ZEB1: variants seen among roughly 807,000 people sequenced by gnomAD.
The protein encoded by ZEB1 is zinc finger E-box binding homeobox 1.
A neutral mutation model predicts 84.9 loss-of-function variants in ZEB1; 21 were observed. The observed-to-expected ratio is 0.25, with a 90% CI of 0.18 to 0.36. The LOEUF (loss-of-function observed/expected upper bound fraction) is 0.36. Among genes scored for constraint, ZEB1 ranks in the 10% least tolerant of loss-of-function variants. The pLI is 1.00. For missense variants in ZEB1, 1,104 were observed against 1,330.2 expected (o/e 0.83, Z 2.65); for synonymous variants, 420 against 471.1 (o/e 0.89, Z 1.41).
chr10:31,401,225 T>A (rs947245891), intron 1 of ZEB1, among the ~76,000 whole-genome samples: 1 of 152,190 alleles, frequency 6.6e-6, no homozygotes, highest in African/African-American at 2.4e-5. Flanking sequence ...GACACATTTT[T>A]AAAAAGACAG....
At chr10:31,435,669 T>A (rs946332894) in intron 1 of ZEB1, among the ~76,000 whole-genome samples, 4 of 152,254 alleles carry the variant, frequency 2.6e-5, no homozygotes, top group Non-Finnish European at 5.9e-5. Flanking sequence ...GCTTGCCATT[T>A]ACAAAGAACA....
At chr10:31,438,471 T>A (rs1001347934) in intron 1 of ZEB1, among the ~76,000 whole-genome samples, 9 of 152,350 alleles carry the variant, frequency 5.9e-5, no homozygotes, top group Middle Eastern at 3.4e-3. Context: ...AGATTTTATT[T>A]CAGTATCCTG....
intron 2 of ZEB1, among the ~76,000 whole-genome samples, chr10:31,488,622 G>A (rs2066069970): frequency 6.6e-6 from 1 of 150,456 alleles, no homozygotes; most frequent in South Asian, 2.1e-4. Flanking sequence ...ACACAATTCA[G>A]AATTTTGATC....
chr10:31,444,067 A>G (rs1031413134), intron 1 of ZEB1, among the ~76,000 whole-genome samples: 2 of 150,924 alleles, frequency 1.3e-5, no homozygotes, highest in Non-Finnish European at 2.9e-5. Flanking sequence ...CATCCTCTCC[A>G]GCACCTGTTG....
At chr10:31,410,574 G>A (rs2054049022) in intron 1 of ZEB1, among the ~76,000 whole-genome samples, 1 of 152,170 alleles carries the variant, frequency 6.6e-6, no homozygotes, top group Non-Finnish European at 1.5e-5. Context: ...GTTTCAGAAG[G>A]AATGGTAGCA....
chr10:31,526,741 T>G lies in ZEB1; in HGVS notation c.2855T>G (p.Met952Arg). ...FKHKHHLIEH[M>R]RLHSGEKPYQ... ...CACAAACATCATTTGATTGAACACA[T>G]GCGATTACATTCTGGAGAAAAGCCC... The change falls in exon 9 of 9, where the codon ATG becomes AGG. Residue 952 changes from methionine to arginine, a missense_variant. Transcript: ENST00000424869. 1 of 1,614,116 alleles carries G rather than the reference T, an allele frequency of 6.2e-7. No individual in the cohort carries two copies. Among genetic ancestry groups the G allele is most frequent in the Non-Finnish European group, 8.5e-7 (1 of 1,180,020 alleles).
rs377271044 is a variant in ZEB1, at chr10:31,402,750, G to A, written c.59-58287G>A. Among the ~76,000 whole-genome samples, 3 of 151,984 alleles carry A rather than the reference G, an allele frequency of 2.0e-5. No individual in the cohort carries two copies. In the East Asian group the frequency reaches 5.8e-4, roughly 29 times the overall value. ...ACAAGGATAAAGTGCTCAGTCTTGA[G>A]TCTGTTGGAGATTAAACTTTCCTGA... On this transcript the variant is annotated intron_variant, in intron 1 of 8. Coordinates refer to ENST00000424869, the MANE Select transcript of ZEB1 (RefSeq NM_001174096.2).
chr10:31,457,133 TC>T (rs1440796130), intron 1 of ZEB1, among the ~76,000 whole-genome samples: 2 of 152,314 alleles, frequency 1.3e-5, no homozygotes, highest in Admixed American at 6.5e-5. Context: ...GATGTGATGA[TC>T]ACCTATGATT....
At chr10:31,348,408 A>T (rs1391794407) in intron 1 of ZEB1, among the ~76,000 whole-genome samples, 2 of 152,014 alleles carry the variant, frequency 1.3e-5, no homozygotes, top group Non-Finnish European at 2.9e-5. Context: ...TACTAAAAAT[A>T]CAAAAATTAG....
chr10:31,381,071 A>C (rs2047542001), intron 1 of ZEB1, among the ~76,000 whole-genome samples: 1 of 152,206 alleles, frequency 6.6e-6, no homozygotes, highest in African/African-American at 2.4e-5. Context: ...CTGTAGAATA[A>C]ATGGTGATAA....
intron 1 of ZEB1, among the ~76,000 whole-genome samples, chr10:31,416,744 A>T (rs868218335): frequency 4.6e-5 from 7 of 152,276 alleles, no homozygotes; most frequent in Non-Finnish European, 7.4e-5. Context: ...CACATTTTGT[A>T]TTTAATCCAA....
chr10:31,387,656 A>G (rs544139233), intron 1 of ZEB1: 37 of 716,396 alleles, frequency 5.2e-5, no homozygotes, highest in Non-Finnish European at 6.0e-5. Flanking sequence ...TTCAGTTGAT[A>G]GAGCCAGCTG....
chr10:31,454,912 C>T (rs945694953), intron 1 of ZEB1, among the ~76,000 whole-genome samples: 1 of 152,124 alleles, frequency 6.6e-6, no homozygotes, highest in Non-Finnish European at 1.5e-5. Flanking sequence ...GAAAAATCTA[C>T]TTTAAACATC....
chr10:31,405,060 T>A (rs2052723923), intron 1 of ZEB1, among the ~76,000 whole-genome samples: 1 of 152,212 alleles, frequency 6.6e-6, no homozygotes, highest in East Asian at 1.9e-4. Flanking sequence ...TTATCTAGCC[T>A]GTTCTGCAGA....
intron 2 of ZEB1, among the ~76,000 whole-genome samples, chr10:31,472,402 A>C (rs990045764): frequency 3.9e-5 from 6 of 152,210 alleles, no homozygotes; most frequent in Non-Finnish European, 8.8e-5. Flanking sequence ...CAGAAATACA[A>C]ACTACCATCA....
chr10:31,416,769 G>A (rs551966821), intron 1 of ZEB1, among the ~76,000 whole-genome samples: 1 of 152,172 alleles, frequency 6.6e-6, no homozygotes, highest in African/African-American at 2.4e-5. Context: ...TCAAAAACAT[G>A]GGCACATATT....
chr10:31,426,687 T>A (rs1326116317), intron 1 of ZEB1, among the ~76,000 whole-genome samples: 1 of 152,168 alleles, frequency 6.6e-6, no homozygotes, highest in African/African-American at 2.4e-5. Context: ...CCAGATTGTA[T>A]AGTGCCTTTA....
upstream of ZEB1, chr10:31,319,048 C>T: frequency 3.1e-6 from 2 of 644,374 alleles, no homozygotes; most frequent in Non-Finnish European, 2.8e-6. Context: ...ACCGCCCGGT[C>T]CCTAGCAACA....
chr10:31,410,824 T>C (rs2054100644), intron 1 of ZEB1, among the ~76,000 whole-genome samples: 1 of 152,198 alleles, frequency 6.6e-6, no homozygotes, highest in African/African-American at 2.4e-5. Flanking sequence ...TGATGGTAGT[T>C]TGTATTTCTG....
Sources: allele counts gnomAD v4.1 joint callset (sites outside exome capture counted in the v4.1 genomes callset), GRCh38; gene constraint gnomAD v4.1.1; transcripts MANE v1.5; gene names NCBI Gene and HGNC (gene_info 2026-07-23, HGNC 2026-07-21).